The following CLASP2 variants were observed in gnomAD, a reference collection of about 807,000 sequenced individuals.
The protein encoded by CLASP2 is cytoplasmic linker associated protein 2.
Under a neutral mutation model 194.4 loss-of-function variants are expected in CLASP2, and 47 were observed. The observed-to-expected ratio is 0.24, with a 90% CI of 0.19 to 0.31. The LOEUF (loss-of-function observed/expected upper bound fraction) is 0.31, where lower values mean the gene tolerates loss of function less well. Among genes scored for constraint, CLASP2 ranks in the 10% least tolerant of loss-of-function variants. The pLI, the probability that CLASP2 is intolerant of heterozygous loss-of-function variation, is 1.00. For synonymous variants in CLASP2, 619 were observed against 633.5 expected (o/e 0.98, Z 0.34); for missense variants, 1,445 against 1,823.6 (o/e 0.79, Z 3.78).
intron 21 of CLASP2, among the ~76,000 whole-genome samples, chr3:33,585,446 C>T (rs2067137736): frequency 6.6e-6 from 1 of 152,134 alleles, no homozygotes; most frequent in African/African-American, 2.4e-5. Flanking sequence ...CTTATTGCTC[C>T]TAGGCTACAA....
At chr3:33,678,204 T>C (rs993212271) in intron 6 of CLASP2, among the ~76,000 whole-genome samples, 1 of 151,860 alleles carries the variant, frequency 6.6e-6, no homozygotes, top group Non-Finnish European at 1.5e-5. Flanking sequence ...AAAAAGTATC[T>C]GAAACAATAA....
rs756676000 is a variant in CLASP2, at chr3:33,627,084, A to T, written c.943-4T>A. On this transcript the variant is annotated splice_region_variant and splice_polypyrimidine_tract_variant and intron_variant, in intron 9 of 38. Transcript: ENST00000682230. Reference sequence around the variant, plus strand: ...CGAGTTCTCGACTAGAATAAATCTTAAAAAAAAGATTCAGAATTATAACAA... The same window carrying T: ...CGAGTTCTCGACTAGAATAAATCTTTAAAAAAAGATTCAGAATTATAACAA... 10 of 1,431,204 alleles carry T rather than the reference A, an allele frequency of 7.0e-6. No homozygotes were observed. The East Asian group carries it at 9.5e-5, about 14-fold the overall frequency. The allele number at this position is 1,431,204 out of a possible 1,614,324, so 88.7% of individuals were successfully genotyped here.
At chr3:33,687,663 G>C (rs745384663) in intron 4 of CLASP2, among the ~76,000 whole-genome samples, 1 of 152,186 alleles carries the variant, frequency 6.6e-6, no homozygotes, top group Non-Finnish European at 1.5e-5. Context: ...ATATAGTTAA[G>C]AAAAGGAAGT....
At chr3:33,614,064 A>G (rs2075685036) in intron 12 of CLASP2, among the ~76,000 whole-genome samples, 1 of 152,240 alleles carries the variant, frequency 6.6e-6, no homozygotes, top group Non-Finnish European at 1.5e-5. Context: ...AATTAAAAAG[A>G]GAATTAGAAA....
At chr3:33,555,557 G>A (rs1461411923) in intron 29 of CLASP2, among the ~76,000 whole-genome samples, 1 of 151,894 alleles carries the variant, frequency 6.6e-6, no homozygotes, top group East Asian at 1.9e-4. Flanking sequence ...TTGTAGAGAT[G>A]GGGTTTTGCC....
At chr3:33,565,837 T>C (rs1313111740) in intron 27 of CLASP2, among the ~76,000 whole-genome samples, 1 of 150,984 alleles carries the variant, frequency 6.6e-6, no homozygotes, top group Non-Finnish European at 1.5e-5. Flanking sequence ...AAATACAGTA[T>C]ATAATATATA....
In CLASP2 at chr3:33,522,378, C is replaced by T. The variant is rs567211339; in HGVS notation, c.3788-5204G>A. On this transcript the variant is annotated intron_variant, in intron 34 of 38. Transcript: ENST00000682230. ...AGGCTGATCTTTGGCATAGAGAAAGCCTGCAACAATCAGAACCAGAATCAA... is the reference window on the plus strand; with the variant it reads ...AGGCTGATCTTTGGCATAGAGAAAGTCTGCAACAATCAGAACCAGAATCAA... 2.0e-5 allele frequency among the ~76,000 whole-genome samples: 3 copies of T among 152,134 alleles called. No individual in the cohort carries two copies. The South Asian group carries it at 6.2e-4, about 32-fold the overall frequency.
At chr3:33,690,073 A>C in intron 2 of CLASP2, 141 bp from the exon 3 acceptor site, 1 of 495,262 alleles carries the variant, frequency 2.0e-6, no homozygotes, top group Non-Finnish European at 3.5e-6. Context: ...TTCTTTACAC[A>C]TGAATCCAAT....
intron 25 of CLASP2, among the ~76,000 whole-genome samples, chr3:33,572,156 T>G (rs1576601450): frequency 6.6e-6 from 1 of 152,202 alleles, no homozygotes; most frequent in South Asian, 2.1e-4. Context: ...TCCTTTTAGG[T>G]GTTAAGACAT....
chr3:33,551,939 GTT>G (rs557274011), intron 29 of CLASP2, among the ~76,000 whole-genome samples: 10 of 131,254 alleles, frequency 7.6e-5, no homozygotes, highest in Admixed American at 7.7e-5. Flanking sequence ...GGGCAATATA[GTT>G]TTTTTTTTTT....
intron 23 of CLASP2, among the ~76,000 whole-genome samples, chr3:33,577,762 G>A (rs1002353451): frequency 1.3e-5 from 2 of 152,100 alleles, no homozygotes; most frequent in African/African-American, 4.8e-5. Context: ...GGGCCTGTAG[G>A]AGCCAATTTG....
rs571036094 is a variant in CLASP2, at chr3:33,561,854, T to C, written c.2767-883A>G. Among the ~76,000 whole-genome samples the C allele has an allele frequency of 2.6e-5, 4 of 152,272 alleles. No individual in the cohort carries two copies. In the East Asian group the frequency reaches 5.8e-4, roughly 22 times the overall value. ...AAGAAGAAAAAACTGTCAGCCATAA[T>C]GTATTACTGGACAAATCATAATAAA... On this transcript the variant is annotated intron_variant, in intron 27 of 38. Coordinates refer to ENST00000682230, the MANE Select transcript of CLASP2 (RefSeq NM_001365631.1).
chr3:33,693,237 G>C (rs948474919), intron 2 of CLASP2, among the ~76,000 whole-genome samples: 3 of 151,900 alleles, frequency 2.0e-5, no homozygotes, highest in Non-Finnish European at 4.4e-5. Flanking sequence ...TTTTGGAACT[G>C]TATCTAAAAC....
intron 8 of CLASP2, among the ~76,000 whole-genome samples, chr3:33,640,232 TA>T (rs1280619471): frequency 2.0e-5 from 3 of 152,206 alleles, no homozygotes; most frequent in African/African-American, 7.2e-5. Context: ...TTATTACATA[TA>T]CTGATTCTTG....
chr3:33,531,063 T>TCC (rs1262562653), intron 34 of CLASP2, among the ~76,000 whole-genome samples: 2 of 152,146 alleles, frequency 1.3e-5, no homozygotes, highest in Non-Finnish European at 2.9e-5. Context: ...CTCATACTTC[T>TCC]CCCTGATTTC....
At chr3:33,677,865 C>A (rs1263161144) in intron 6 of CLASP2, among the ~76,000 whole-genome samples, 1 of 128,086 alleles carries the variant, frequency 7.8e-6, no homozygotes, top group African/African-American at 2.9e-5. Flanking sequence ...AGGCAGATAG[C>A]ATGCCAAAAA....
At chr3:33,713,012 C>CAGAAAAAAAAAAAAAAAAAAAAA (rs1559717375) in intron 1 of CLASP2, among the ~76,000 whole-genome samples, 17 of 46,992 alleles carry the variant, frequency 3.6e-4, no homozygotes, top group Non-Finnish European at 5.1e-4. Context: ...AACTCCACCT[C>CAGAAAAAAAAAAAAAAAAAAAAA]AAAAAAAAAA....
At chr3:33,560,044 G>C (rs2061562657) in intron 28 of CLASP2, among the ~76,000 whole-genome samples, 1 of 152,078 alleles carries the variant, frequency 6.6e-6, no homozygotes, top group South Asian at 2.1e-4. Context: ...CCTCAACCTA[G>C]TAAACAGATA....
intron 32 of CLASP2, among the ~76,000 whole-genome samples, chr3:33,543,002 C>T (rs553392375): frequency 1.3e-5 from 2 of 152,066 alleles, no homozygotes; most frequent in Non-Finnish European, 2.9e-5. Flanking sequence ...TTTTCATTTG[C>T]TAAGTTTCTA....
Sources: allele counts gnomAD v4.1 joint callset (sites outside exome capture counted in the v4.1 genomes callset), GRCh38; gene constraint gnomAD v4.1.1; transcripts MANE v1.5; gene names NCBI Gene and HGNC (gene_info 2026-07-23, HGNC 2026-07-21).